ESRRG: variants seen among roughly 807,000 people sequenced by gnomAD.
The protein encoded by ESRRG is estrogen related receptor gamma, also known as estrogen-related receptor gamma.
In ESRRG, 13 loss-of-function variants were observed where a neutral mutation model predicts 44.0. The ratio of observed to expected loss-of-function variants is 0.30; its 90% CI spans 0.19 to 0.47. The LOEUF (loss-of-function observed/expected upper bound fraction) is 0.47, where lower values mean the gene tolerates loss of function less well. Among genes scored for constraint, ESRRG ranks in the 20% least tolerant of loss-of-function variants. ESRRG has a pLI of 1.00. For synonymous variants in ESRRG, 215 were observed against 214.6 expected (o/e 1.00, Z -0.02); for missense variants, 395 against 580.6 (o/e 0.68, Z 3.29).
chr1:217,050,971 G>T (rs893170608), intron 1 of ESRRG, among the ~76,000 whole-genome samples: 1 of 151,994 alleles, frequency 6.6e-6, no homozygotes, highest in East Asian at 1.9e-4. Context: ...GGTGTGGGAA[G>T]GACTCAGTGA....
chr1:216,614,567 C>A (rs2061154004), intron 3 of ESRRG, among the ~76,000 whole-genome samples: 1 of 152,206 alleles, frequency 6.6e-6, no homozygotes, highest in African/African-American at 2.4e-5. Context: ...AGCCCAGACA[C>A]TTAAAGCACT....
At chr1:216,558,190 A>T (rs752088103) in intron 5 of ESRRG, among the ~76,000 whole-genome samples, 3 of 152,140 alleles carry the variant, frequency 2.0e-5, no homozygotes, top group Non-Finnish European at 4.4e-5. Flanking sequence ...GTTTCCAGCA[A>T]GGGTAGCTGC....
chr1:216,507,245 G>C (rs2041430803), intron 6 of ESRRG, 62 bp from the exon 7 acceptor site: 1 of 1,128,908 alleles, frequency 8.9e-7, no homozygotes, highest in African/African-American at 1.6e-5. Context: ...ATGTAGACTA[G>C]AGTTATAAAA....
chr1:216,840,304 G>A (rs1227721336), intron 2 of ESRRG, among the ~76,000 whole-genome samples: 1 of 152,138 alleles, frequency 6.6e-6, no homozygotes. Context: ...ACCTGTGCTA[G>A]CTTCCATCTT....
chr1:217,130,164 T>C (rs1358358101), intron 1 of ESRRG, among the ~76,000 whole-genome samples: 3 of 152,188 alleles, frequency 2.0e-5, no homozygotes, highest in Non-Finnish European at 2.9e-5. Flanking sequence ...GTGCCACTTA[T>C]CATTTGCCCT....
intron 2 of ESRRG, among the ~76,000 whole-genome samples, chr1:216,818,359 T>C (rs1280666176): frequency 1.3e-5 from 2 of 152,222 alleles, no homozygotes; most frequent in African/African-American, 4.8e-5. Context: ...TGAGAGTGCC[T>C]ATCAGGCATT....
At chr1:217,026,777 C>T (rs758450818) in intron 1 of ESRRG, among the ~76,000 whole-genome samples, 1 of 152,124 alleles carries the variant, frequency 6.6e-6, no homozygotes, top group Middle Eastern at 3.4e-3. Flanking sequence ...TAGCAATAAA[C>T]ATTCCATGCA....
intron 2 of ESRRG, among the ~76,000 whole-genome samples, chr1:216,850,444 G>C (rs925405910): frequency 1.3e-5 from 2 of 152,058 alleles, no homozygotes; most frequent in Non-Finnish European, 2.9e-5. Context: ...TTGTTAAAAA[G>C]ATGTAGTCAC....
intron 1 of ESRRG, among the ~76,000 whole-genome samples, chr1:217,006,268 T>C (rs1383519737): frequency 2.0e-5 from 3 of 152,152 alleles, no homozygotes; most frequent in Non-Finnish European, 4.4e-5. Context: ...GATGATTAGG[T>C]AATATAAAGA....
intron 1 of ESRRG, among the ~76,000 whole-genome samples, chr1:216,992,991 T>C (rs1464187515): frequency 6.6e-6 from 1 of 152,148 alleles, no homozygotes; most frequent in African/African-American, 2.4e-5. Context: ...TGTTTTATCA[T>C]CCACCCACTG....
At chr1:216,671,322 C>T (rs1453229769) in intron 2 of ESRRG, among the ~76,000 whole-genome samples, 1 of 152,126 alleles carries the variant, frequency 6.6e-6, no homozygotes. Flanking sequence ...ACCTAAATGC[C>T]TCCAATCATA....
chr1:216,522,168 T>C (rs2046285356), intron 5 of ESRRG, among the ~76,000 whole-genome samples: 1 of 151,834 alleles, frequency 6.6e-6, no homozygotes, highest in Admixed American at 6.6e-5. Context: ...TGCATGTGTG[T>C]GTGTTTATCC....
At chr1:217,035,062 A>G (rs1418710265) in intron 1 of ESRRG, among the ~76,000 whole-genome samples, 1 of 152,176 alleles carries the variant, frequency 6.6e-6, no homozygotes, top group Non-Finnish European at 1.5e-5. Context: ...TTCACATCTT[A>G]GTGGATTAGT....
chr1:216,787,538 G>A (rs1296673486), intron 2 of ESRRG, among the ~76,000 whole-genome samples: 3 of 148,282 alleles, frequency 2.0e-5, no homozygotes, highest in South Asian at 2.1e-4. Flanking sequence ...GGGAGGCAGA[G>A]GTTGCAGTGA....
intron 5 of ESRRG, among the ~76,000 whole-genome samples, chr1:216,521,063 GAT>G (rs2045951547): frequency 6.6e-6 from 1 of 152,146 alleles, no homozygotes. Flanking sequence ...GAATCTTTAA[GAT>G]ATGTGTAAAA....
intron 2 of ESRRG, among the ~76,000 whole-genome samples, chr1:216,734,849 C>G (rs796687880): frequency 2.0e-5 from 3 of 152,094 alleles, no homozygotes; most frequent in African/African-American, 7.2e-5. Flanking sequence ...GAATTTCCCC[C>G]CTCTACCCTG....
intron 1 of ESRRG, among the ~76,000 whole-genome samples, chr1:217,112,184 C>A (rs1481095041): frequency 6.6e-6 from 1 of 152,218 alleles, no homozygotes; most frequent in African/African-American, 2.4e-5. Context: ...TTCTGATCCA[C>A]AAAACCACAC....
At position 216,779,638 on chromosome 1, in the gene ESRRG, G is replaced by T. The variant is rs1465197374; in HGVS notation, c.-13-102147C>A. On this transcript the variant is annotated intron_variant, in intron 2 of 7. Transcript: ENST00000359162. ...GAAAAACTTGCACTGTTTTTAAAAA[G>T]TACTGGTTACAGTCTTACTTTTTGA... Among the ~76,000 whole-genome samples, 8 of 138,134 alleles carry T rather than the reference G, an allele frequency of 5.8e-5. No individual in the cohort carries two copies. The South Asian group carries it at 1.7e-3, about 30-fold the overall frequency. The allele number at this position is 138,134 out of a possible 152,430, so 90.6% of individuals were successfully genotyped here.
intron 2 of ESRRG, among the ~76,000 whole-genome samples, chr1:216,853,630 A>ACT (rs2095873359): frequency 1.3e-5 from 2 of 152,006 alleles, no homozygotes; most frequent in Non-Finnish European, 2.9e-5. Flanking sequence ...CAGTGTATCC[A>ACT]CCCATCACAT....
Sources: gnomAD v4.1 joint callset for allele counts (sites outside exome capture counted in the v4.1 genomes callset) on GRCh38, gnomAD v4.1.1 for gene constraint, MANE v1.5 for transcripts, NCBI Gene and HGNC (gene_info 2026-07-23, HGNC 2026-07-21) for gene names.